SKAP1: variants seen among roughly 807,000 people sequenced by gnomAD.
The protein encoded by SKAP1 is src kinase-associated phosphoprotein 1.
Under a neutral mutation model 58.5 loss-of-function variants are expected in SKAP1, and 44 were observed. The observed-to-expected ratio is 0.75, with a 90% CI of 0.59 to 0.97. The LOEUF is 0.97. Ranked by LOEUF, SKAP1 falls within the 50% of genes least tolerant of loss-of-function variation. The pLI is 0.00. For missense variants in SKAP1, 390 were observed against 435.2 expected (o/e 0.90, Z 0.92); for synonymous variants, 127 against 149.7 (o/e 0.85, Z 1.11).
chr17:48,146,895 C>T (rs1402153396), intron 11 of SKAP1, among the ~76,000 whole-genome samples: 1 of 152,198 alleles, frequency 6.6e-6, no homozygotes, highest in Non-Finnish European at 1.5e-5. Flanking sequence ...TCCCAAAGTG[C>T]TGGGATTACA....
chr17:48,167,791 C>G (rs2064159445), intron 10 of SKAP1, among the ~76,000 whole-genome samples: 1 of 152,092 alleles, frequency 6.6e-6, no homozygotes, highest in African/African-American at 2.4e-5. Context: ...TGACATAGCA[C>G]ATGCAAACAA....
chr17:48,153,153 C>T (rs2063924210), intron 11 of SKAP1, among the ~76,000 whole-genome samples: 3 of 152,060 alleles, frequency 2.0e-5, no homozygotes, highest in East Asian at 3.9e-4. Flanking sequence ...AATAAAATGC[C>T]AATTTTATTC....
chr17:48,329,621 C>T (rs1193845038), intron 4 of SKAP1, among the ~76,000 whole-genome samples: 1 of 152,120 alleles, frequency 6.6e-6, no homozygotes, highest in Non-Finnish European at 1.5e-5. Context: ...GCAGGAGAAT[C>T]GCTTGAACCC....
At chr17:48,398,700 G>A (rs556714224) in intron 1 of SKAP1, among the ~76,000 whole-genome samples, 85 of 152,216 alleles carry the variant, frequency 5.6e-4, no homozygotes, top group African/African-American at 1.7e-3. Flanking sequence ...ACGCCAGGCC[G>A]GGCGTGGTGG....
intron 1 of SKAP1, among the ~76,000 whole-genome samples, chr17:48,405,243 G>A (rs1413931056): frequency 6.6e-6 from 1 of 151,918 alleles, no homozygotes. Context: ...ACTAAAAAGA[G>A]GGATGAAATT....
In SKAP1 at chr17:48,253,097, A is replaced by C. The variant is rs989497099; in HGVS notation, c.281-63597T>G. ...TAAAGAACTGCAACATGAAGTAAGC[A>C]TGATAGGTTTCAGGTTGTGAGCCAT... On this transcript the variant is annotated intron_variant, in intron 4 of 12. Transcript: ENST00000336915. 1.1e-4 allele frequency among the ~76,000 whole-genome samples: 17 copies of C among 152,260 alleles called. No individual in the cohort carries two copies. In the South Asian group the frequency reaches 2.7e-3, roughly 24 times the overall value.
At chr17:48,203,213 A>G (rs1456062329) in intron 4 of SKAP1, among the ~76,000 whole-genome samples, 1 of 152,274 alleles carries the variant, frequency 6.6e-6, no homozygotes, top group Non-Finnish European at 1.5e-5. Context: ...GCACAGGGAC[A>G]CAGACACTGG....
At chr17:48,168,826 T>G (rs2064174424) in intron 10 of SKAP1, among the ~76,000 whole-genome samples, 1 of 152,212 alleles carries the variant, frequency 6.6e-6, no homozygotes, top group Admixed American at 6.5e-5. Context: ...CTTTTATTGT[T>G]ACAAAACTAA....
At chr17:48,291,368 C>A (rs1300714056) in intron 4 of SKAP1, among the ~76,000 whole-genome samples, 1 of 152,126 alleles carries the variant, frequency 6.6e-6, no homozygotes, top group Non-Finnish European at 1.5e-5. Flanking sequence ...TCAGTGCTAA[C>A]CCACACAAAT....
At chr17:48,293,958 A>G (rs939589962) in intron 4 of SKAP1, among the ~76,000 whole-genome samples, 2 of 152,300 alleles carry the variant, frequency 1.3e-5, no homozygotes. Flanking sequence ...AAGAGGAGAG[A>G]GAGGAAAAAA....
chr17:48,332,833 A>C (rs2066522775), intron 4 of SKAP1, among the ~76,000 whole-genome samples: 1 of 152,172 alleles, frequency 6.6e-6, no homozygotes. Context: ...TTTCATAGAA[A>C]TCTTTCCTTA....
intron 7 of SKAP1, among the ~76,000 whole-genome samples, chr17:48,182,854 T>C (rs1475793900): frequency 6.6e-6 from 1 of 152,194 alleles, no homozygotes; most frequent in Non-Finnish European, 1.5e-5. Context: ...GGAGCACCTG[T>C]TGTTGCCTAG....
intron 4 of SKAP1, among the ~76,000 whole-genome samples, chr17:48,195,923 G>A (rs2064621257): frequency 1.3e-5 from 2 of 152,004 alleles, no homozygotes; most frequent in African/African-American, 4.8e-5. Context: ...AACCTCTGAG[G>A]TTCTAGGTCA....
At chr17:48,205,944 A>G (rs4794505) in intron 4 of SKAP1, among the ~76,000 whole-genome samples, 84,738 of 151,648 alleles carry the variant, frequency 0.56, 24,670 homozygotes, top group East Asian at 0.77. Flanking sequence ...CACCAAGAAA[A>G]AAGGTGACAT....
intron 2 of SKAP1, among the ~76,000 whole-genome samples, chr17:48,365,111 G>GT (rs750116270): frequency 1.0e-4 from 15 of 145,542 alleles, no homozygotes; most frequent in African/African-American, 3.3e-4. Context: ...AACAGTTACT[G>GT]TTTTTTTGTT....
intron 4 of SKAP1, among the ~76,000 whole-genome samples, chr17:48,213,350 CAAAA>C (rs71366849): frequency 2.0e-5 from 2 of 101,020 alleles, no homozygotes; most frequent in Admixed American, 1.0e-4. Flanking sequence ...AACTCTGTCT[CAAAA>C]AAAAAAAAAA....
intron 3 of SKAP1, among the ~76,000 whole-genome samples, chr17:48,354,812 G>A (rs2066854171): frequency 6.6e-6 from 1 of 152,106 alleles, no homozygotes; most frequent in Non-Finnish European, 1.5e-5. Flanking sequence ...CAAATTCATT[G>A]GGTTTCAGGT....
intron 4 of SKAP1, among the ~76,000 whole-genome samples, chr17:48,339,427 C>T (rs1399921335): frequency 2.0e-5 from 3 of 152,120 alleles, no homozygotes; most frequent in African/African-American, 7.2e-5. Context: ...AATATGTTCA[C>T]ATAGCTTACA....
intron 4 of SKAP1, among the ~76,000 whole-genome samples, chr17:48,240,850 C>G (rs1316078095): frequency 6.6e-6 from 1 of 152,234 alleles, no homozygotes; most frequent in East Asian, 1.9e-4. Flanking sequence ...CTGAACTCCA[C>G]ACATAGTATG....
Sources: allele counts gnomAD v4.1 joint callset (sites outside exome capture counted in the v4.1 genomes callset), GRCh38; gene constraint gnomAD v4.1.1; transcripts MANE v1.5; gene names NCBI Gene and HGNC (gene_info 2026-07-23, HGNC 2026-07-21).